Variants in SUGCT observed in about 807,000 individuals in gnomAD.
The protein encoded by SUGCT is succinyl-CoA:glutarate-CoA transferase, also known as succinyl-CoA:glutarate CoA-transferase.
A neutral mutation model predicts 55.0 loss-of-function variants in SUGCT; 41 were observed. That is an observed-to-expected ratio of 0.74 (90% CI 0.58 to 0.97). SUGCT has a LOEUF of 0.97. Among genes scored for constraint, SUGCT ranks in the 50% least tolerant of loss-of-function variants. The pLI is 0.00. For missense variants in SUGCT, 568 were observed against 547.8 expected, an observed-to-expected ratio of 1.04 and a Z score of -0.37; for synonymous variants, 187 against 200.4, an observed-to-expected ratio of 0.93 and a Z score of 0.56.
chr7:41,037,484 T>A, the SUGCT span, among the ~76,000 whole-genome samples: 1,162 of 151,036 alleles, frequency 7.7e-3, 8 homozygotes, highest in Non-Finnish European at 0.012. Context: ...AAGAAGACAG[T>A]AAAGTCCATG....
At chr7:40,638,091 C>T (rs1241434860) in intron 12 of SUGCT, among the ~76,000 whole-genome samples, 1 of 152,180 alleles carries the variant, frequency 6.6e-6, no homozygotes, top group Non-Finnish European at 1.5e-5. Flanking sequence ...TCCTGTCAGT[C>T]CCTGTTTCTG....
intron 9 of SUGCT, among the ~76,000 whole-genome samples, chr7:40,340,033 T>C (rs73688036): frequency 0.015 from 2,319 of 152,304 alleles, 49 homozygotes; most frequent in South Asian, 0.06. Flanking sequence ...AGGAGCTTCT[T>C]AGACTTCCTA....
intron 12 of SUGCT, among the ~76,000 whole-genome samples, chr7:40,602,564 G>A (rs1798346044): frequency 6.6e-6 from 1 of 152,062 alleles, no homozygotes; most frequent in African/African-American, 2.4e-5. Context: ...TATTCCTTCT[G>A]GACCACAGAC....
intron 12 of SUGCT, among the ~76,000 whole-genome samples, chr7:40,677,122 C>T (rs1018946765): frequency 4.6e-5 from 7 of 152,136 alleles, no homozygotes; most frequent in African/African-American, 1.7e-4. Context: ...TCCCAACAGG[C>T]AACAGTTATA....
intron 2 of SUGCT, 126 bp from the exon 3 acceptor site, chr7:40,181,829 G>C (rs1785230780): frequency 1.7e-6 from 1 of 596,590 alleles, no homozygotes; most frequent in South Asian, 2.7e-5. Flanking sequence ...CCAAATTACA[G>C]TTTTAACTGT....
chr7:40,971,417 A>G, the SUGCT span, among the ~76,000 whole-genome samples: 1 of 152,184 alleles, frequency 6.6e-6, no homozygotes, highest in Non-Finnish European at 1.5e-5. Flanking sequence ...TAGAGAGACC[A>G]GTTCAAAGAA....
intron 12 of SUGCT, among the ~76,000 whole-genome samples, chr7:40,597,194 T>G (rs1409476075): frequency 6.6e-6 from 1 of 152,166 alleles, no homozygotes; most frequent in Non-Finnish European, 1.5e-5. Flanking sequence ...CCTTAACATA[T>G]AAAAATCAGA....
At chr7:40,956,917 G>A in the SUGCT span, among the ~76,000 whole-genome samples, 1 of 152,052 alleles carries the variant, frequency 6.6e-6, no homozygotes, top group Non-Finnish European at 1.5e-5. Context: ...TTTCCATGTA[G>A]TTGTGTGGTT....
At chr7:40,188,625 A>G (rs1785697027) in intron 4 of SUGCT, 45 bp downstream of exon 4, 1 of 1,280,810 alleles carries the variant, frequency 7.8e-7, no homozygotes, top group African/African-American at 1.5e-5. Flanking sequence ...TAATTCTCTT[A>G]TAATAGCAAA....
chr7:40,880,219 G>A, the SUGCT span, among the ~76,000 whole-genome samples: 1 of 152,196 alleles, frequency 6.6e-6, no homozygotes, highest in Non-Finnish European at 1.5e-5. Context: ...ATAGCTCCTG[G>A]AAACTGATGT....
chr7:40,475,479 C>A (rs1258924595), intron 11 of SUGCT, among the ~76,000 whole-genome samples: 1 of 152,166 alleles, frequency 6.6e-6, no homozygotes, highest in East Asian at 1.9e-4. Flanking sequence ...CCCTCATATA[C>A]CTGTTTAAAA....
chr7:40,173,375 C>T (rs962946833), intron 1 of SUGCT, among the ~76,000 whole-genome samples: 3 of 152,186 alleles, frequency 2.0e-5, no homozygotes, highest in African/African-American at 7.2e-5. Context: ...CAGCAGCAAA[C>T]AGCAGTGGTG....
chr7:40,899,276 G>A, the SUGCT span, among the ~76,000 whole-genome samples: 95 of 152,190 alleles, frequency 6.2e-4, no homozygotes, highest in African/African-American at 2.1e-3. Flanking sequence ...GGTTCTCTGC[G>A]TATCTGACTC....
intron 13 of SUGCT, among the ~76,000 whole-genome samples, chr7:40,834,268 TG>T (rs1792846841): frequency 8.1e-6 from 1 of 124,068 alleles, no homozygotes; most frequent in African/African-American, 3.1e-5. Context: ...GGGGGGTGGG[TG>T]GGGAGTAGAG....
At chr7:40,740,421 T>C (rs552132883) in intron 12 of SUGCT, among the ~76,000 whole-genome samples, 63 of 151,352 alleles carry the variant, frequency 4.2e-4, no homozygotes, top group African/African-American at 1.4e-3. Flanking sequence ...ATTTTTCCAA[T>C]CTGTGTGCCT....
intron 9 of SUGCT, among the ~76,000 whole-genome samples, chr7:40,425,166 A>G (rs1047987940): frequency 2.3e-4 from 35 of 152,146 alleles, no homozygotes; most frequent in African/African-American, 7.7e-4. Context: ...CTGTGGAGCC[A>G]CAGTTTAAAT....
intron 1 of SUGCT, among the ~76,000 whole-genome samples, chr7:40,157,419 T>C (rs1306407303): frequency 2.0e-5 from 3 of 152,224 alleles, no homozygotes; most frequent in Non-Finnish European, 2.9e-5. Context: ...CATTGCATTG[T>C]CTATGGGGTA....
chr7:40,466,771 A>G (rs1790131795), intron 11 of SUGCT, among the ~76,000 whole-genome samples: 1 of 152,312 alleles, frequency 6.6e-6, no homozygotes, highest in South Asian at 2.1e-4. Context: ...CTTTGAATGA[A>G]CTAGAGAACC....
At chr7:40,405,206 C>A (rs1440305528) in intron 9 of SUGCT, among the ~76,000 whole-genome samples, 1 of 152,150 alleles carries the variant, frequency 6.6e-6, no homozygotes, top group Non-Finnish European at 1.5e-5. Context: ...ATACTCATGG[C>A]TGGAAGAAGT....
Sources: allele counts gnomAD v4.1 joint callset (sites outside exome capture counted in the v4.1 genomes callset), GRCh38; gene constraint gnomAD v4.1.1; transcripts MANE v1.5; gene names NCBI Gene and HGNC (gene_info 2026-07-23, HGNC 2026-07-21).